The following KIF7 variants were observed in gnomAD, a reference collection of about 807,000 sequenced individuals.
KIF7 encodes kinesin-like protein KIF7.
A neutral mutation model predicts 135.7 loss-of-function variants in KIF7; 104 were observed. That is an observed-to-expected ratio of 0.77 (90% confidence interval 0.65 to 0.90). The LOEUF is 0.90. Among genes scored for constraint, KIF7 ranks in the 40% least tolerant of loss-of-function variants. The pLI is 0.00. For missense variants in KIF7, 2,005 were observed against 1,839.1 expected, an observed-to-expected ratio of 1.09 and a Z score of -1.65; for synonymous variants, 883 against 809.4, an observed-to-expected ratio of 1.09 and a Z score of -1.54.
Position 89,648,993 on chromosome 15 carries a change from G to A in KIF7, c.904C>T (p.Arg302Cys), listed in dbSNP as rs1267389546. 1 of 1,543,846 alleles carries A rather than the reference G, an allele frequency of 6.5e-7. No homozygotes were observed. Among genetic ancestry groups the A allele is most frequent in the East Asian group, 2.5e-5 (1 of 40,812 alleles). ...PQRRGSHIPY[R>C]DSKITRILKD... Reference sequence around the variant, plus strand: ...GCTCACCGGGTGATCTTGGAGTCGCGGTAGGGTATGTGGCTGCCCCGGCGC... The same window carrying A: ...GCTCACCGGGTGATCTTGGAGTCGCAGTAGGGTATGTGGCTGCCCCGGCGC... Residue 302 changes from arginine to cysteine, a missense_variant, in exon 4 of 19, where the codon CGC becomes TGC. Physicochemically the swap from Arg to Cys is radical, Grantham distance 180. Transcript: ENST00000394412.
rs1567065777 is a variant in KIF7 at position 89,645,978 on chromosome 15, T to C, written c.1837A>G (p.Asn613Asp). ...EAGAELLTEV[N>D]RLGSGSSAAS... is the part of the protein sequence containing the mutation. ...GCTGAAGAGCCACTTCCCAGCCTGTTCACCTCAGTCAGCAACTCAGCTCCA... is the reference window on the plus strand; with the variant it reads ...GCTGAAGAGCCACTTCCCAGCCTGTCCACCTCAGTCAGCAACTCAGCTCCA... The change falls in exon 8 of 19, where the codon AAC becomes GAC. Residue 613 changes from asparagine to aspartate, a missense_variant. Asn to Asp is a conservative substitution (Grantham distance 23, BLOSUM62 1). Transcript: ENST00000394412. 1 of 1,614,006 alleles carries C rather than the reference T, an allele frequency of 6.2e-7. No homozygotes were observed. Among genetic ancestry groups the C allele is most frequent in the Non-Finnish European group, 8.5e-7 (1 of 1,179,998 alleles).
In KIF7 at chr15:89,645,028, C is replaced by T. The variant is rs543188623; in HGVS notation, c.2176G>A (p.Glu726Lys). Residue 726 changes from glutamate (E) to lysine (K), a missense_variant, in exon 10 of 19, where the codon GAG becomes AAG. By Grantham distance (56) the Glu-to-Lys change is moderately conservative. Transcript: ENST00000394412. Reference sequence around the variant, plus strand: ...CACGCCTCACCTGTGCGGACCAGCTCGCCAATAAGCTCCTCCTTCATGCGG... The same window carrying T: ...CACGCCTCACCTGTGCGGACCAGCTTGCCAATAAGCTCCTCCTTCATGCGG... ...NIRMKEELIG[E>K]LVRTGKAAQA... 8.1e-6 allele frequency: 13 copies of T among 1,608,120 alleles called. No homozygotes were observed. The Admixed American group carries it at 1.7e-4, about 21-fold the overall frequency.
intron 11 of KIF7, among the ~76,000 whole-genome samples, chr15:89,635,046 G>A (rs1338031966): frequency 1.3e-5 from 2 of 152,154 alleles, no homozygotes; most frequent in East Asian, 1.9e-4. Flanking sequence ...CTAACTGGGA[G>A]GCACCCCCCA....
chr15:89,647,201 C>A (rs1288466266), intron 6 of KIF7, 144 bp from the exon 7 acceptor site: 2 of 731,774 alleles, frequency 2.7e-6, no homozygotes, highest in Admixed American at 4.3e-5. Flanking sequence ...TCCCCAACAA[C>A]TCTGTAGGAG....
intron 15 of KIF7, 78 bp from the exon 16 acceptor site, chr15:89,630,571 A>T: frequency 1.7e-6 from 2 of 1,208,524 alleles, no homozygotes; most frequent in Non-Finnish European, 2.4e-6. Context: ...GCAACAGCCA[A>T]CACGTAGCCA....
chr15:89,638,039 C>A (rs1195436087), intron 11 of KIF7, among the ~76,000 whole-genome samples: 1 of 105,056 alleles, frequency 9.5e-6, no homozygotes. Context: ...TAAATGTAAT[C>A]CAGCATATAA....
At chr15:89,618,573 A>T (rs142651002) in intron 1 of KIF7, among the ~76,000 whole-genome samples, 2,391 of 152,304 alleles carry the variant, frequency 0.016, 62 homozygotes, top group African/African-American at 0.054. Flanking sequence ...TTTCTGAGAC[A>T]TTATCTTTGC....
chr15:89,658,641 T>A (rs192299663), upstream of KIF7, among the ~76,000 whole-genome samples: 23 of 152,060 alleles, frequency 1.5e-4, no homozygotes. Context: ...GGCAGGCAGA[T>A]AACTTGAGCT....
At chr15:89,658,380 G>A (rs1964227099), upstream of KIF7, among the ~76,000 whole-genome samples, 1 of 151,800 alleles carries the variant, frequency 6.6e-6, no homozygotes, top group Non-Finnish European at 1.5e-5. Context: ...AACCTGGGAG[G>A]TCAAAGCTAC....
Position 89,648,436 on chromosome 15 carries a change from C to A in KIF7, c.1262G>T (p.Ser421Ile). The change falls in exon 5 of 19, where the codon AGC (serine) becomes ATC (isoleucine). Residue 421 changes from serine to isoleucine, a missense_variant. Transcript: ENST00000394412. ...CTCGGCCTGCAGCTCGCGCAAGAGGCTGTAGGCGGCGTCGGTGCAGGCCCG... is the reference window on the plus strand; with the variant it reads ...CTCGGCCTGCAGCTCGCGCAAGAGGATGTAGGCGGCGTCGGTGCAGGCCCG... ...RYRACTDAAY[S>I]LLRELQAEPG... 1 of 1,106,142 alleles carries A rather than the reference C, an allele frequency of 9.0e-7. No homozygotes were observed. Among genetic ancestry groups the A allele is most frequent in the Non-Finnish European group, 1.1e-6 (1 of 907,506 alleles). 68.5% of individuals were successfully genotyped at this position (1,106,142 alleles called of 1,614,324 possible). A position where few individuals can be genotyped will look rare whatever the true frequency, so the allele number is the denominator to read the frequency against.
At chr15:89,644,507 T>C (rs1162977339) in intron 10 of KIF7, among the ~76,000 whole-genome samples, 1 of 149,088 alleles carries the variant, frequency 6.7e-6, no homozygotes, top group Non-Finnish European at 1.5e-5. Flanking sequence ...AAACCCCATC[T>C]CAACTAAAAA....
chr15:89,648,820 C>A (rs1964069816), intron 4 of KIF7, 46 bp from the exon 5 acceptor site: 4 of 1,503,148 alleles, frequency 2.7e-6, no homozygotes, highest in Non-Finnish European at 3.5e-6. Flanking sequence ...ACGCTCCAGG[C>A]CCAGGGCCAG....
intron 10 of KIF7, 108 bp downstream of exon 10, chr15:89,644,905 G>C (rs1374739675): frequency 6.2e-6 from 9 of 1,453,402 alleles, no homozygotes; most frequent in Non-Finnish European, 8.5e-6. Context: ...TAGGCCATCC[G>C]GCCCCTGCTC....
upstream of KIF7, among the ~76,000 whole-genome samples, chr15:89,657,555 G>T (rs759898282): frequency 1.3e-5 from 2 of 152,118 alleles, no homozygotes; most frequent in East Asian, 3.8e-4. Context: ...GTGTGTACCC[G>T]AGTGTCCAAA....
intron 4 of KIF7, 68 bp downstream of exon 4, chr15:89,648,906 C>G (rs1029694894): frequency 3.7e-5 from 54 of 1,466,812 alleles, no homozygotes; most frequent in Non-Finnish European, 4.7e-5. Context: ...CTTCCACCCC[C>G]ACTGGTGTGC....
chr15:89,649,383 G>A lies in KIF7; in HGVS notation c.530-16C>T, dbSNP rs1341128129. On this transcript the variant is annotated splice_polypyrimidine_tract_variant and intron_variant, in intron 3 of 18. Coordinates refer to ENST00000394412, the MANE Select transcript of KIF7 (RefSeq NM_198525.3). The stretch of plus-strand genomic sequence containing the variant: ...CCGCACAGCACTGCGGGCACAGAAG[G>A]CCGTGAGCCCCAGGGCAGGGGCCGC... The A allele has an allele frequency of 6.9e-7, 1 of 1,448,298 alleles. No homozygotes were observed. 89.7% of individuals were successfully genotyped at this position (1,448,298 alleles called of 1,614,324 possible).
chr15:89,631,497 C>T lies in KIF7; in HGVS notation c.3109G>A (p.Glu1037Lys), dbSNP rs779514045. The T allele has an allele frequency of 1.9e-5, 30 of 1,570,220 alleles. No individual in the cohort carries two copies. The highest frequency in any genetic ancestry group is 7.0e-5 in the East Asian group (3 of 42,682). ...KLRQGSLLSP[E>K]EERTLFQLDE... ...TGAGCCATGGGGCCGCAGGGTACCT[C>T]GGGGGACAGCAGACTCCCCTGCCTC... The change falls in exon 15 of 19, where the codon GAG becomes AAG. Residue 1037 changes from glutamate (E) to lysine (K), a missense_variant and splice_region_variant. Transcript: ENST00000394412.
chr15:89,618,303 T>C, intron 1 of KIF7: 2 of 1,183,454 alleles, frequency 1.7e-6, no homozygotes, highest in South Asian at 1.2e-5. Flanking sequence ...TCCTAAGATA[T>C]TTTACAGAAA....
At chr15:89,659,378 G>A (rs1334982993), upstream of KIF7, among the ~76,000 whole-genome samples, 3 of 151,206 alleles carry the variant, frequency 2.0e-5, no homozygotes, top group Non-Finnish European at 2.9e-5. Context: ...TCTAGCATGG[G>A]TGACAGAGCA....
Sources: gnomAD v4.1 joint callset for allele counts (sites outside exome capture counted in the v4.1 genomes callset) on GRCh38, gnomAD v4.1.1 for gene constraint, MANE v1.5 for transcripts, NCBI Gene and HGNC (gene_info 2026-07-23, HGNC 2026-07-21) for gene names.